Variants in KCTD8 observed in about 807,000 individuals in gnomAD.
KCTD8 encodes the protein potassium channel tetramerization domain containing 8.
A neutral mutation model predicts 31.5 loss-of-function variants in KCTD8; 27 were observed. The ratio of observed to expected loss-of-function variants is 0.86; its 90% CI spans 0.63 to 1.18. KCTD8 has a LOEUF of 1.18. Among genes scored for constraint, KCTD8 ranks in the 50% most tolerant of loss-of-function variants. The pLI is 0.00. For missense variants in KCTD8, 658 were observed against 647.7 expected, an observed-to-expected ratio of 1.02 and a Z score of -0.17; for synonymous variants, 290 against 280.0, an observed-to-expected ratio of 1.04 and a Z score of -0.36.
Position 44,448,156 on chromosome 4 carries a change from T to C in KCTD8, c.368A>G (p.His123Arg). ...CAGCAGCCGCTCCTTCTCGGGGAAG[T>C]GCTCCGGCAGCGCGAGTTGCTTGTC... ...LRDKQLALPE[H>R]FPEKERLLRE... The change falls in exon 1 of 2, where the codon CAC becomes CGC. Residue 123 changes from histidine to arginine, a missense_variant. His to Arg is a conservative substitution (Grantham distance 29). Coordinates refer to ENST00000360029, the MANE Select transcript of KCTD8 (RefSeq NM_198353.3). This position sits in a 1 kb window ranked among gnomAD's most constrained non-coding sequence, Gnocchi z 4.1. The C allele has an allele frequency of 6.2e-7, 1 of 1,612,358 alleles. No individual in the cohort carries two copies. The highest frequency in any genetic ancestry group is 8.5e-7 in the Non-Finnish European group (1 of 1,179,706).
intron 1 of KCTD8, among the ~76,000 whole-genome samples, chr4:44,300,820 C>T (rs951250647): frequency 2.6e-5 from 4 of 151,318 alleles, no homozygotes; most frequent in African/African-American, 9.7e-5. Context: ...CACCCATTAA[C>T]TCGTCATTTA....
intron 1 of KCTD8, among the ~76,000 whole-genome samples, chr4:44,223,225 C>T (rs764327745): frequency 3.9e-5 from 6 of 152,096 alleles, no homozygotes; most frequent in Non-Finnish European, 8.8e-5. Flanking sequence ...GGGACAAGAG[C>T]GGCTCAGGAT....
At chr4:44,411,609 T>A (rs1218126358) in intron 1 of KCTD8, among the ~76,000 whole-genome samples, 2 of 152,092 alleles carry the variant, frequency 1.3e-5, no homozygotes, top group Non-Finnish European at 2.9e-5. Context: ...GAAATCCCAA[T>A]CCTCAGAACC....
chr4:44,323,221 C>T (rs1186474459), intron 1 of KCTD8, among the ~76,000 whole-genome samples: 9 of 151,914 alleles, frequency 5.9e-5, no homozygotes, highest in African/African-American at 1.7e-4. Context: ...TGGCCAGGCA[C>T]GGTGGCTCAC....
At chr4:44,356,410 CATAG>C (rs1260127251) in intron 1 of KCTD8, among the ~76,000 whole-genome samples, 3 of 152,176 alleles carry the variant, frequency 2.0e-5, no homozygotes, top group Non-Finnish European at 2.9e-5. Flanking sequence ...GAATTAATCC[CATAG>C]ATAGATCTGT....
chr4:44,215,089 T>TC (rs1714609692), intron 1 of KCTD8, among the ~76,000 whole-genome samples: 1 of 152,024 alleles, frequency 6.6e-6, no homozygotes, highest in South Asian at 2.1e-4. Flanking sequence ...CAATCAACAC[T>TC]CCCCACTTTC....
At chr4:44,334,338 G>A (rs1258172086) in intron 1 of KCTD8, among the ~76,000 whole-genome samples, 1 of 152,064 alleles carries the variant, frequency 6.6e-6, no homozygotes, top group Non-Finnish European at 1.5e-5. Flanking sequence ...AGCAGAAATT[G>A]TACAGGATAC....
chr4:44,307,934 A>C (rs190181651), intron 1 of KCTD8, among the ~76,000 whole-genome samples: 1 of 152,154 alleles, frequency 6.6e-6, no homozygotes, highest in Admixed American at 6.5e-5. Context: ...TACAAGACAG[A>C]TGAATTACAA....
chr4:44,417,037 G>GA (rs1721091994), intron 1 of KCTD8, among the ~76,000 whole-genome samples: 1 of 152,120 alleles, frequency 6.6e-6, no homozygotes. Flanking sequence ...CACAGGTAAT[G>GA]AAAAGATGCT....
chr4:44,311,809 G>GT (rs973488659), intron 1 of KCTD8, among the ~76,000 whole-genome samples: 1 of 150,948 alleles, frequency 6.6e-6, no homozygotes, highest in Non-Finnish European at 1.5e-5. Flanking sequence ...GATTACTGCC[G>GT]TTTTATTCCT....
At chr4:44,175,379 T>G in intron 1 of KCTD8, 129 bp from the exon 2 acceptor site, 1 of 580,486 alleles carries the variant, frequency 1.7e-6, no homozygotes, top group South Asian at 3.0e-5. Flanking sequence ...TGGTGCATAT[T>G]GTACTAGTCT....
chr4:44,214,937 C>T (rs544800139), intron 1 of KCTD8, among the ~76,000 whole-genome samples: 15 of 152,268 alleles, frequency 9.9e-5, no homozygotes, highest in African/African-American at 3.4e-4. Flanking sequence ...AAGATCAGTA[C>T]TTGAGATATT....
chr4:44,197,647 G>A (rs1290173664), intron 1 of KCTD8, among the ~76,000 whole-genome samples: 5 of 152,136 alleles, frequency 3.3e-5, no homozygotes, highest in Non-Finnish European at 7.4e-5. Context: ...TTCTGAAAGT[G>A]CACAGAAACA....
At chr4:44,434,555 ACAGCTTCC>A (rs1214099415) in intron 1 of KCTD8, among the ~76,000 whole-genome samples, 4 of 151,912 alleles carry the variant, frequency 2.6e-5, no homozygotes, top group African/African-American at 9.7e-5. Flanking sequence ...CACCCATCAC[ACAGCTTCC>A]CTACTTAAAT....
At chr4:44,377,611 C>T (rs543025709) in intron 1 of KCTD8, among the ~76,000 whole-genome samples, 3 of 152,278 alleles carry the variant, frequency 2.0e-5, no homozygotes, top group East Asian at 1.9e-4. Context: ...GTCCAGCCTG[C>T]GGCGTCCAGG....
intron 1 of KCTD8, among the ~76,000 whole-genome samples, chr4:44,308,694 A>C (rs1174913935): frequency 6.6e-6 from 1 of 152,114 alleles, no homozygotes; most frequent in African/African-American, 2.4e-5. Flanking sequence ...CTCTTAACAA[A>C]GCATTGTTAA....
At chr4:44,188,894 C>T (rs889328244) in intron 1 of KCTD8, among the ~76,000 whole-genome samples, 1 of 152,172 alleles carries the variant, frequency 6.6e-6, no homozygotes, top group African/African-American at 2.4e-5. Flanking sequence ...AAACTGACTT[C>T]AGACTCTGGA....
At chr4:44,237,949 TC>T (rs1375245850) in intron 1 of KCTD8, among the ~76,000 whole-genome samples, 1 of 151,936 alleles carries the variant, frequency 6.6e-6, no homozygotes, top group Non-Finnish European at 1.5e-5. Context: ...TGTCATTAAT[TC>T]CCCCCAAAAC....
In KCTD8 at chr4:44,410,934, A is replaced by G. The variant is rs570186768; in HGVS notation, c.961+36629T>C. ...CTTTCCCAAGACAGTTCTGTAAAAT[A>G]ACAAGTATTACATAATAAAATGTCT... On this transcript the variant is annotated intron_variant, in intron 1 of 1. Coordinates refer to ENST00000360029, the MANE Select transcript of KCTD8 (RefSeq NM_198353.3). Among the ~76,000 whole-genome samples, 11 of 152,264 alleles carry G rather than the reference A, an allele frequency of 7.2e-5. No individual in the cohort carries two copies. In the East Asian group the frequency reaches 1.4e-3, roughly 19 times the overall value.
Sources: gnomAD v4.1 joint callset for allele counts (sites outside exome capture counted in the v4.1 genomes callset) on GRCh38, gnomAD v4.1.1 for gene constraint, Gnocchi (gnomAD v3.1) non-coding constraint, MANE v1.5 for transcripts, NCBI Gene and HGNC (gene_info 2026-07-23, HGNC 2026-07-21) for gene names.